The following RHOH variants were observed in gnomAD, a reference collection of about 807,000 sequenced individuals.
RHOH encodes ras homolog family member H, also known as rho-related GTP-binding protein RhoH.
Under a neutral mutation model 13.8 loss-of-function variants are expected in RHOH, and 6 were observed. That is an observed-to-expected ratio of 0.44 (90% CI 0.24 to 0.86). The LOEUF (loss-of-function observed/expected upper bound fraction) is 0.86, where lower values mean the gene tolerates loss of function less well. Ranked by LOEUF, RHOH falls within the 40% of genes least tolerant of loss-of-function variation. The probability of loss-of-function intolerance (pLI) is 0.24; values close to 1 mark genes in which losing one functional copy is unlikely to be tolerated. For missense variants in RHOH, 147 were observed against 244.5 expected (o/e 0.60, Z 2.66); for synonymous variants, 117 against 103.0 (o/e 1.14, Z -0.82).
chr4:40,196,538 G>A (rs1256678976), upstream of RHOH, among the ~76,000 whole-genome samples: 1 of 152,142 alleles, frequency 6.6e-6, no homozygotes, highest in Non-Finnish European at 1.5e-5. Flanking sequence ...CTCTCACTAA[G>A]CCTGCCTCTG....
At chr4:40,238,420 A>G (rs1038648074) in intron 1 of RHOH, among the ~76,000 whole-genome samples, 13 of 152,184 alleles carry the variant, frequency 8.5e-5, no homozygotes, top group African/African-American at 3.1e-4. Flanking sequence ...TTCCTACTGA[A>G]CAGCCCTCAG....
At chr4:40,197,689 C>T (rs1174429980) in intron 1 of RHOH, among the ~76,000 whole-genome samples, 1 of 152,136 alleles carries the variant, frequency 6.6e-6, no homozygotes, top group Non-Finnish European at 1.5e-5. Context: ...TTGTCTAGTT[C>T]AGAAAAGAAA....
At chr4:40,224,053 C>T (rs1018472121) in intron 1 of RHOH, among the ~76,000 whole-genome samples, 12 of 151,884 alleles carry the variant, frequency 7.9e-5, no homozygotes, top group African/African-American at 1.9e-4. Flanking sequence ...ATTACAGGCT[C>T]GAGCCACTGC....
At chr4:40,231,018 A>G (rs1727863066) in intron 1 of RHOH, among the ~76,000 whole-genome samples, 1 of 152,198 alleles carries the variant, frequency 6.6e-6, no homozygotes, top group Non-Finnish European at 1.5e-5. Context: ...AAACTGCGCA[A>G]ATAGCACATG....
intron 1 of RHOH, among the ~76,000 whole-genome samples, chr4:40,219,898 G>A (rs936481718): frequency 2.6e-5 from 4 of 152,068 alleles, no homozygotes; most frequent in Admixed American, 2.0e-4. Flanking sequence ...AAAAATGTGT[G>A]TGTAATTATT....
intron 1 of RHOH, among the ~76,000 whole-genome samples, chr4:40,211,796 A>ATTTGT (rs57484390): frequency 0.02 from 3,116 of 152,186 alleles, 66 homozygotes; most frequent in African/African-American, 0.057. Context: ...AAGAGAGAAG[A>ATTTGT]TTTGTTTTGT....
intron 1 of RHOH, among the ~76,000 whole-genome samples, chr4:40,216,025 T>G (rs1237115766): frequency 6.6e-6 from 1 of 152,174 alleles, no homozygotes; most frequent in African/African-American, 2.4e-5. Context: ...CATGAAGCCA[T>G]CGGAACTGCA....
At chr4:40,225,166 TG>T (rs1436619488) in intron 1 of RHOH, among the ~76,000 whole-genome samples, 6 of 152,108 alleles carry the variant, frequency 3.9e-5, no homozygotes, top group African/African-American at 1.4e-4. Context: ...TAGGCTGGAG[TG>T]CACTGGCGAA....
At chr4:40,213,652 A>G (rs1280471913) in intron 1 of RHOH, among the ~76,000 whole-genome samples, 2 of 152,108 alleles carry the variant, frequency 1.3e-5, no homozygotes, top group Non-Finnish European at 2.9e-5. Flanking sequence ...TCCAGATGGT[A>G]CCTGGGTAGC....
Position 40,243,702 on chromosome 4 carries a change from T to C in RHOH, c.316T>C (p.Leu106=). The change falls in exon 3 of 3, where the codon TTG becomes CTG. Residue 106 remains leucine, a synonymous_variant. Transcript: ENST00000381799. The surrounding 1 kb of genome is among the most constrained non-coding windows in gnomAD (Gnocchi z 6.2). ...GTGGATTGGTGAAATTAGGAGCAAC[T>C]TGCCCTGTACCCCTGTGCTGGTGGT... is the stretch of plus-strand genomic sequence containing the variant. ...NKWIGEIRSN[L]PCTPVLVVAT... 1 of 1,614,186 alleles carries C rather than the reference T, an allele frequency of 6.2e-7. No individual in the cohort carries two copies. Among genetic ancestry groups the C allele is most frequent in the Non-Finnish European group, 8.5e-7 (1 of 1,180,024 alleles).
At chr4:40,230,343 T>A (rs1399150044) in intron 1 of RHOH, among the ~76,000 whole-genome samples, 1 of 148,826 alleles carries the variant, frequency 6.7e-6, no homozygotes, top group East Asian at 1.9e-4. Context: ...CGGCCTGGAC[T>A]TTTTTGAGTC....
intron 1 of RHOH, among the ~76,000 whole-genome samples, chr4:40,200,113 GC>G (rs1490816205): frequency 6.6e-6 from 1 of 152,142 alleles, no homozygotes; most frequent in African/African-American, 2.4e-5. Flanking sequence ...CAGTGTGGGG[GC>G]TGGGGTGGGC....
intron 1 of RHOH, among the ~76,000 whole-genome samples, chr4:40,233,970 A>G (rs1041822782): frequency 6.0e-5 from 9 of 149,856 alleles, no homozygotes; most frequent in East Asian, 2.0e-4. Flanking sequence ...AAAATGAAAT[A>G]AAATGTAAAA....
chr4:40,194,163 G>A (rs1272185858), upstream of RHOH, among the ~76,000 whole-genome samples: 1 of 152,082 alleles, frequency 6.6e-6, no homozygotes, highest in African/African-American at 2.4e-5. Context: ...TTAGAAACTT[G>A]GATGAGAGAA....
rs58807335 is a variant in RHOH at position 40,242,945 on chromosome 4, TTGTGTGTGTGTGTGTGTGTG to T, written c.-210+143_-210+162del. The T allele has an allele frequency of 9.3e-4, 134 of 143,726 alleles. 2 individuals carry two copies. Among genetic ancestry groups the T allele is most frequent in the Middle Eastern group, 3.2e-3 (1 of 310 alleles). 8.9% of individuals were successfully genotyped at this position (143,726 alleles called of 1,614,324 possible). A position where few individuals can be genotyped will look rare whatever the true frequency, so the allele number is the denominator to read the frequency against. On this transcript the variant is annotated intron_variant, in intron 2 of 2. Coordinates refer to ENST00000381799, the MANE Select transcript of RHOH (RefSeq NM_004310.5). ...CTTCTGCTTCTTGACCGGGAGGCAT[TTGTGTGTGTGTGTGTGTGTG>T]TGTGTGTGTGTGTGTGTGTGTGTGT...
chr4:40,215,654 C>T (rs62302159), intron 1 of RHOH, among the ~76,000 whole-genome samples: 8,587 of 152,290 alleles, frequency 0.056, 336 homozygotes, highest in Non-Finnish European at 0.086. Context: ...GGAAGTGGGA[C>T]GCAGTGGCTC....
In RHOH at chr4:40,246,042, G is replaced by C. The variant is rs959034720; in HGVS notation, c.*2080G>C. 6.6e-6 allele frequency: 1 copy of C among 152,220 alleles called. No homozygotes were observed. Among genetic ancestry groups the C allele is most frequent in the African/African-American group, 2.4e-5 (1 of 41,418 alleles). 9.4% of individuals were successfully genotyped at this position (152,220 alleles called of 1,614,324 possible). A position where few individuals can be genotyped will look rare whatever the true frequency, so the allele number is the denominator to read the frequency against. ...GGAGAGCCCGTGTCTCTAGTTCTCA[G>C]CTCAGGGTTGGGGGGCTTGAAAGAT... On this transcript the variant is annotated 3_prime_UTR_variant, in exon 3 of 3. Transcript: ENST00000381799.
intron 1 of RHOH, among the ~76,000 whole-genome samples, chr4:40,213,675 A>G (rs1725549096): frequency 6.6e-6 from 1 of 152,140 alleles, no homozygotes; most frequent in Non-Finnish European, 1.5e-5. Context: ...TTGCACTCAG[A>G]TGGGTCATCT....
intron 1 of RHOH, among the ~76,000 whole-genome samples, chr4:40,212,358 A>G (rs1392063273): frequency 1.3e-5 from 2 of 152,194 alleles, no homozygotes; most frequent in Admixed American, 6.5e-5. Flanking sequence ...GAATTATTGC[A>G]TGATTGATAT....
Sources: allele counts gnomAD v4.1 joint callset (sites outside exome capture counted in the v4.1 genomes callset), GRCh38; gene constraint gnomAD v4.1.1; non-coding constraint Gnocchi (gnomAD v3.1); transcripts MANE v1.5; gene names NCBI Gene and HGNC (gene_info 2026-07-23, HGNC 2026-07-21).